Variants in CACNA1C observed in about 807,000 individuals in gnomAD.
CACNA1C encodes voltage-dependent L-type calcium channel subunit alpha-1C.
In CACNA1C, 30 loss-of-function variants were observed where a neutral mutation model predicts 229.0. That is an observed-to-expected ratio of 0.13 (90% confidence interval 0.10 to 0.18). CACNA1C has a LOEUF of 0.18. Among genes scored for constraint, CACNA1C ranks in the 10% least tolerant of loss-of-function variants. The pLI, the probability that CACNA1C is intolerant of heterozygous loss-of-function variation, is 1.00. For synonymous variants in CACNA1C, 1,114 were observed against 1,132.5 expected, an observed-to-expected ratio of 0.98 and a Z score of 0.33; for missense variants, 1,658 against 2,845.0, an observed-to-expected ratio of 0.58 and a Z score of 9.49.
rs548505939 is a variant in CACNA1C at position 2,567,422 on chromosome 12, C to T, written c.1670-147C>T. 2.6e-4 allele frequency: 156 copies of T among 604,542 alleles called. 1 individual carries two copies. The African/African-American group carries it at 2.6e-3, about 10-fold the overall frequency. The allele number at this position is 604,542 out of a possible 1,614,324, so 37.4% of individuals were successfully genotyped here. On this transcript the variant is annotated intron_variant, in intron 12 of 46. Transcript: ENST00000399655. Reference sequence around the variant, plus strand: ...GAGCCCTTTCCCATTGGCTTGGCCCCAACTTCTGTTCTGGCCGAGGTGGAT... The same window carrying T: ...GAGCCCTTTCCCATTGGCTTGGCCCTAACTTCTGTTCTGGCCGAGGTGGAT...
At chr12:2,544,817 G>A (rs1046139056) in intron 9 of CACNA1C, among the ~76,000 whole-genome samples, 6 of 152,298 alleles carry the variant, frequency 3.9e-5, no homozygotes, top group African/African-American at 1.4e-4. Context: ...AGCCCAATTC[G>A]TTCAACTTTT....
chr12:2,110,019 C>G (rs989259521), intron 1 of CACNA1C, among the ~76,000 whole-genome samples: 1 of 152,116 alleles, frequency 6.6e-6, no homozygotes, highest in Non-Finnish European at 1.5e-5. Flanking sequence ...GGATATGGCC[C>G]TGAATCAGGT....
chr12:2,049,938 T>C (rs1665871203), upstream of CACNA1C, among the ~76,000 whole-genome samples: 1 of 152,210 alleles, frequency 6.6e-6, no homozygotes, highest in South Asian at 2.1e-4. Context: ...AATACCTTTT[T>C]CTGGAAAGGA....
chr12:2,637,183 G>T (rs909676139), intron 30 of CACNA1C, among the ~76,000 whole-genome samples: 2 of 152,222 alleles, frequency 1.3e-5, no homozygotes, highest in Non-Finnish European at 2.9e-5. Context: ...AACATGCCCA[G>T]AGACTCTGTT....
In CACNA1C at chr12:2,691,278, C is replaced by A; in HGVS notation, c.*79C>A. On this transcript the variant is annotated 3_prime_UTR_variant, in exon 47 of 47. Coordinates refer to ENST00000399655, the MANE Select transcript of CACNA1C (RefSeq NM_000719.7). The stretch of plus-strand genomic sequence containing the variant: ...TTCGTTTCAGAAGTGCCTCACTGTT[C>A]TCGTGACCTGGAGTTAACCGGAACA... 7.5e-7 allele frequency: 1 copy of A among 1,337,024 alleles called. No homozygotes were observed. Among genetic ancestry groups the A allele is most frequent in the Non-Finnish European group, 9.9e-7 (1 of 1,005,498 alleles). 82.8% of individuals were successfully genotyped at this position (1,337,024 alleles called of 1,614,324 possible).
chr12:2,353,311 C>A (rs916210961), intron 3 of CACNA1C, among the ~76,000 whole-genome samples: 5 of 152,154 alleles, frequency 3.3e-5, no homozygotes, highest in Admixed American at 1.3e-4. Context: ...CAGAGTGAGC[C>A]CCCCCTGGTG....
At chr12:2,321,221 G>C (rs1400035011) in intron 3 of CACNA1C, among the ~76,000 whole-genome samples, 2 of 151,486 alleles carry the variant, frequency 1.3e-5, no homozygotes, top group Non-Finnish European at 2.9e-5. Flanking sequence ...GGTGGTCGTT[G>C]GGGGGGTGGG....
intron 3 of CACNA1C, among the ~76,000 whole-genome samples, chr12:2,345,424 G>T (rs1437023476): frequency 6.6e-6 from 1 of 152,062 alleles, no homozygotes; most frequent in East Asian, 1.9e-4. Flanking sequence ...CTAACCAACT[G>T]GTTCCAAAGT....
chr12:2,695,425 C>G lies in CACNA1C; in HGVS notation c.*4226C>G, dbSNP rs776522592. 1 of 152,296 alleles carries G rather than the reference C, an allele frequency of 6.6e-6. No homozygotes were observed. The highest frequency in any genetic ancestry group is 2.4e-5 in the African/African-American group (1 of 41,460). The allele number at this position is 152,296 out of a possible 1,614,324, so 9.4% of individuals were successfully genotyped here. On this transcript the variant is annotated 3_prime_UTR_variant, in exon 47 of 47. Coordinates refer to ENST00000399655, the MANE Select transcript of CACNA1C (RefSeq NM_000719.7). Reference sequence around the variant, plus strand: ...CTGTCCCCCCTCTGCTGATGTCCCTCCCCTCAGGCTGTCCAGGTGCCACCT... The same window carrying G: ...CTGTCCCCCCTCTGCTGATGTCCCTGCCCTCAGGCTGTCCAGGTGCCACCT...
At chr12:2,092,982 A>C (rs550417092) in intron 1 of CACNA1C, among the ~76,000 whole-genome samples, 2 of 152,318 alleles carry the variant, frequency 1.3e-5, no homozygotes, top group Admixed American at 6.5e-5. Flanking sequence ...GCTGTGAATG[A>C]AGGAGGAGGC....
intron 3 of CACNA1C, among the ~76,000 whole-genome samples, chr12:2,336,514 G>T (rs1761386461): frequency 6.6e-6 from 1 of 152,170 alleles, no homozygotes; most frequent in South Asian, 2.1e-4. Context: ...GCTGCCCAGA[G>T]ATATGTGACT....
chr12:2,416,990 C>T (rs191503791), intron 3 of CACNA1C, among the ~76,000 whole-genome samples: 4 of 152,336 alleles, frequency 2.6e-5, no homozygotes, highest in Admixed American at 2.6e-4. Flanking sequence ...ATGTTAGTGA[C>T]TGCCTCTCCC....
At chr12:2,607,836 G>A (rs1320866029) in intron 26 of CACNA1C, 1 of 152,256 alleles carries the variant, frequency 6.6e-6, no homozygotes, top group Non-Finnish European at 1.5e-5. Flanking sequence ...AGCAATGCAT[G>A]GATCTTAGGT....
At chr12:2,444,856 C>T (rs1008646984) in intron 3 of CACNA1C, among the ~76,000 whole-genome samples, 8 of 152,174 alleles carry the variant, frequency 5.3e-5, no homozygotes, top group African/African-American at 2.4e-5. Context: ...CTTTGGCTCC[C>T]GCCTCCATGA....
chr12:2,120,868 T>G (rs1056401437), intron 3 of CACNA1C, among the ~76,000 whole-genome samples: 2 of 152,100 alleles, frequency 1.3e-5, no homozygotes, highest in Non-Finnish European at 2.9e-5. Context: ...GATAAATAAT[T>G]TCTAGGAAGC....
intron 3 of CACNA1C, among the ~76,000 whole-genome samples, chr12:2,141,732 CAG>C (rs1446549624): frequency 1.3e-5 from 2 of 151,356 alleles, no homozygotes; most frequent in African/African-American, 4.8e-5. Context: ...ACTTTGGCCT[CAG>C]GGGAAAGGAG....
At chr12:2,236,676 G>T (rs1308495486) in intron 3 of CACNA1C, among the ~76,000 whole-genome samples, 4 of 152,144 alleles carry the variant, frequency 2.6e-5, no homozygotes, top group Non-Finnish European at 5.9e-5. Flanking sequence ...GTGTGCAAGG[G>T]ATCAGACACA....
At chr12:2,112,498 G>C (rs1198825917) in intron 1 of CACNA1C, among the ~76,000 whole-genome samples, 3 of 152,166 alleles carry the variant, frequency 2.0e-5, no homozygotes, top group Non-Finnish European at 4.4e-5. Flanking sequence ...GAAGGTGAAG[G>C]GAATATATAT....
chr12:2,218,576 G>C (rs560775809), intron 3 of CACNA1C, among the ~76,000 whole-genome samples: 1 of 152,148 alleles, frequency 6.6e-6, no homozygotes, highest in Non-Finnish European at 1.5e-5. Context: ...AGAGCTCAGC[G>C]CATCTTTCAG....
Sources: gnomAD v4.1 joint callset for allele counts (sites outside exome capture counted in the v4.1 genomes callset) on GRCh38, gnomAD v4.1.1 for gene constraint, MANE v1.5 for transcripts, NCBI Gene and HGNC (gene_info 2026-07-23, HGNC 2026-07-21) for gene names.